Variants in ZNF841 observed in about 807,000 individuals in gnomAD.
ZNF841 encodes the protein zinc finger protein 841.
In ZNF841, 11 loss-of-function variants were observed where a neutral mutation model predicts 13.0. That is an observed-to-expected ratio of 0.85 (90% confidence interval 0.53 to 1.40). The LOEUF is 1.40. Among genes scored for constraint, ZNF841 ranks in the 40% most tolerant of loss-of-function variants. The pLI, the probability that ZNF841 is intolerant of heterozygous loss-of-function variation, is 0.00. For synonymous variants in ZNF841, 369 were observed against 381.6 expected, an observed-to-expected ratio of 0.97 and a Z score of 0.38; for missense variants, 1,068 against 1,139.5, an observed-to-expected ratio of 0.94 and a Z score of 0.90.
downstream of ZNF841, among the ~76,000 whole-genome samples, chr19:52,059,736 G>C (rs2087367291): frequency 6.6e-6 from 1 of 152,104 alleles, no homozygotes; most frequent in Non-Finnish European, 1.5e-5. Context: ...GGAAACCTAA[G>C]GCTGTTTCAC....
chr19:52,068,433 T>G (rs2087647546), intron 6 of ZNF841, among the ~76,000 whole-genome samples: 1 of 151,990 alleles, frequency 6.6e-6, no homozygotes, highest in Non-Finnish European at 1.5e-5. Flanking sequence ...TCCCAGCACT[T>G]TGGGAGGCCG....
chr19:52,086,248 G>A (rs984522217), intron 3 of ZNF841, among the ~76,000 whole-genome samples: 1 of 152,116 alleles, frequency 6.6e-6, no homozygotes, highest in Admixed American at 6.5e-5. Flanking sequence ...TTACTGGTGG[G>A]GCCTGGTGGG....
At chr19:52,062,014 C>T (rs1041998743), downstream of ZNF841, among the ~76,000 whole-genome samples, 1 of 152,142 alleles carries the variant, frequency 6.6e-6, no homozygotes, top group Non-Finnish European at 1.5e-5. Context: ...CTCCCTCCAG[C>T]CTTGCTACCC....
At position 52,066,535 on chromosome 19, in the gene ZNF841, T is replaced by C. The variant is rs2087569664; in HGVS notation, c.1347A>G (p.Ile449Met). 2 of 1,613,864 alleles carry C rather than the reference T, an allele frequency of 1.2e-6. No individual in the cohort carries two copies. The highest frequency in any genetic ancestry group is 1.7e-6 in the Non-Finnish European group (2 of 1,179,842). Residue 449 changes from isoleucine to methionine, a missense_variant, in exon 7 of 7, where the codon ATA becomes ATG. Physicochemically the swap from Ile to Met is conservative, Grantham distance 10 (BLOSUM62 1). Coordinates refer to ENST00000594440, the MANE Select transcript of ZNF841 (RefSeq NM_001136499.2). Reference protein sequence around the residue: ...YQNSQLVRHQIIHTGETPYKC... With the variant: ...YQNSQLVRHQMIHTGETPYKC... ...TGTAAGGTGTCTCTCCAGTATGAATTATCTGGTGCCTTACAAGTTGTGAAT... is the reference window on the plus strand; with the variant it reads ...TGTAAGGTGTCTCTCCAGTATGAATCATCTGGTGCCTTACAAGTTGTGAAT...
chr19:52,084,638 G>T, intron 4 of ZNF841, 149 bp downstream of exon 4: 1 of 821,406 alleles, frequency 1.2e-6, no homozygotes, highest in Non-Finnish European at 2.0e-6. Flanking sequence ...GAATCTAAGT[G>T]CAGAAGAGAG....
rs2088648958 is a variant in ZNF841, at chr19:52,095,751, T to C, written c.-446A>G. On this transcript the variant is annotated 5_prime_UTR_variant, in exon 1 of 7. Transcript: ENST00000594440. Reference sequence around the variant, plus strand: ...GCGACGTGGCCTTTCCCCAGCGCGATCTGCTTCCGGGTGTGCAGGAAACTG... The same window carrying C: ...GCGACGTGGCCTTTCCCCAGCGCGACCTGCTTCCGGGTGTGCAGGAAACTG... 6.6e-6 allele frequency: 1 copy of C among 152,352 alleles called. No individual in the cohort carries two copies. Among genetic ancestry groups the C allele is most frequent in the African/African-American group, 2.4e-5 (1 of 41,432 alleles). The allele number at this position is 152,352 out of a possible 1,614,324, so 9.4% of individuals were successfully genotyped here. A position where few individuals can be genotyped will look rare whatever the true frequency, so the allele number is the denominator to read the frequency against.
In ZNF841 at chr19:52,076,053, C is replaced by T. The variant is rs768622797; in HGVS notation, c.262G>A (p.Val88Met). ...CCATCTGAGCTCTTACCGGTGATCA[C>T]GCCTTTCATGCATTCCCCACAGTTT... ...NPNCGECMKG[V>M]ITGISPKCVI... The change falls in exon 6 of 7, where the codon GTG (valine) becomes ATG (methionine). Residue 88 changes from valine to methionine, a missense_variant. By Grantham distance (21) the Val-to-Met change is conservative. Transcript: ENST00000594440. The T allele has an allele frequency of 8.5e-5, 132 of 1,552,438 alleles. No homozygotes were observed. In the East Asian group the frequency reaches 2.5e-3, roughly 30 times the overall value.
intron 6 of ZNF841, among the ~76,000 whole-genome samples, chr19:52,070,579 C>A (rs1185744769): frequency 2.0e-5 from 3 of 152,202 alleles, no homozygotes; most frequent in Non-Finnish European, 4.4e-5. Flanking sequence ...TCAGCAGGAG[C>A]AGTCATGAGT....
chr19:52,095,097 C>T (rs2088625562), intron 1 of ZNF841, among the ~76,000 whole-genome samples: 1 of 152,150 alleles, frequency 6.6e-6, no homozygotes, highest in African/African-American at 2.4e-5. Flanking sequence ...GCCCACCTCC[C>T]GGAAGAGCAC....
intron 3 of ZNF841, among the ~76,000 whole-genome samples, chr19:52,087,911 T>C (rs534543903): frequency 1.3e-5 from 2 of 151,926 alleles, no homozygotes; most frequent in African/African-American, 4.8e-5. Context: ...CTAAAACAGA[T>C]ATCTTCAATG....
At chr19:52,059,390 T>TATATATACACACACACAC in the ZNF841 span, among the ~76,000 whole-genome samples, 1 of 96,358 alleles carries the variant, frequency 1.0e-5, no homozygotes, top group African/African-American at 4.2e-5. Context: ...TATATATATA[T>TATATATACACACACACAC]ACACACACAC....
At chr19:52,059,390 T>TATATATATATACACACACACACACACAC in the ZNF841 span, among the ~76,000 whole-genome samples, 4 of 96,386 alleles carry the variant, frequency 4.1e-5, no homozygotes, top group African/African-American at 1.2e-4. Flanking sequence ...TATATATATA[T>TATATATATATACACACACACACACACAC]ACACACACAC....
chr19:52,065,237 C>T lies in ZNF841; in HGVS notation c.2645G>A (p.Cys882Tyr). The T allele has an allele frequency of 1.2e-6, 2 of 1,613,848 alleles. No homozygotes were observed. The highest frequency in any genetic ancestry group is 8.5e-7 in the Non-Finnish European group (1 of 1,179,860). ...TGAGCGACTAATGTAAGATTTGCCA[C>T]ACTCATTACATTTATAAGGTTTTTC... Reference protein sequence around the residue: ...SSEKPYKCNECGKSYISRSGL... With the variant: ...SSEKPYKCNEYGKSYISRSGL... The change falls in exon 7 of 7, where the codon TGT (cysteine) becomes TAT (tyrosine). Residue 882 changes from cysteine to tyrosine, a missense_variant. By Grantham distance (194) the Cys-to-Tyr change is radical (BLOSUM62 -2). Transcript: ENST00000594440.
rs538653330 is a variant in ZNF841, at chr19:52,067,482, T to C, written c.400A>G (p.Ile134Val). 1.3e-6 allele frequency: 2 copies of C among 1,565,832 alleles called. No individual in the cohort carries two copies. Among genetic ancestry groups the C allele is most frequent in the Non-Finnish European group, 1.7e-6 (2 of 1,153,566 alleles). The change falls in exon 7 of 7, where the codon ATC (isoleucine) becomes GTC (valine). Residue 134 changes from isoleucine (I) to valine (V), a missense_variant. Transcript: ENST00000594440. ...TCAACTTCCTGTAGATTTTTCCGGA[T>C]TTCCCTGAAGTAAAAATTTTCAGTG... is the stretch of plus-strand genomic sequence containing the variant. Reference protein sequence around the residue: ...YDTENFYFREIRKNLQEVDFQ... With the variant: ...YDTENFYFREVRKNLQEVDFQ...
chr19:52,093,629 A>C (rs923460276), intron 2 of ZNF841, among the ~76,000 whole-genome samples: 1 of 152,228 alleles, frequency 6.6e-6, no homozygotes, highest in African/African-American at 2.4e-5. Flanking sequence ...AGTTCAAAAA[A>C]TGATGGCACT....
rs1368454551 is a variant in ZNF841, at chr19:52,066,763, G to GT, written c.1118dup (p.Tyr373Ter). 6.2e-7 allele frequency: 1 copy of GT among 1,613,430 alleles called. No individual in the cohort carries two copies. Among genetic ancestry groups the GT allele is most frequent in the Admixed American group, 1.7e-5 (1 of 59,894 alleles). ...AGCACTTCCCACATCGATTACATTT[G>GT]TAAGGTTTCTCTCCAGTATGAATTC... The part of the protein sequence containing the change: ...HQRIHTGEKP[Y>*]KCNRCGKCFS... The change falls in exon 7 of 7, where the codon TAC becomes TAAC. Residue 373 changes from tyrosine (Y) to a stop codon, truncating the protein, a stop_gained and frameshift_variant. Coordinates refer to ENST00000594440, the MANE Select transcript of ZNF841 (RefSeq NM_001136499.2). LOFTEE classifies it low-confidence loss of function (END_TRUNC).
chr19:52,065,180 C>G lies in ZNF841; in HGVS notation c.2702G>C (p.Gly901Ala). The G allele has an allele frequency of 3.7e-6, 6 of 1,600,558 alleles. No individual in the cohort carries two copies. In the South Asian group the frequency reaches 5.6e-5, roughly 15 times the overall value. The part of the protein sequence containing the change: ...GLTKHQIKHA[G>A]ENLTTKLNVE... ...ATTGAGTTTAGTTGTAAGGTTCTCT[C>G]CAGCATGTTTTATCTGATGTTTAGT... Residue 901 changes from glycine to alanine, a missense_variant, in exon 7 of 7, where the codon GGA (glycine) becomes GCA (alanine). Physicochemically the swap from Gly to Ala is moderately conservative, Grantham distance 60. Coordinates refer to ENST00000594440, the MANE Select transcript of ZNF841 (RefSeq NM_001136499.2).
At chr19:52,075,959 T>C (rs2087885237) in intron 6 of ZNF841, 85 bp downstream of exon 6, 4 of 1,469,302 alleles carry the variant, frequency 2.7e-6, no homozygotes, top group Admixed American at 2.5e-5. Context: ...ATCAAATTTG[T>C]TTCCCCACAG....
chr19:52,064,443 G>C (rs538199398), downstream of ZNF841: 19 of 145,748 alleles, frequency 1.3e-4, 1 homozygote, highest in Middle Eastern at 8.1e-3. Flanking sequence ...TGCATGGCTA[G>C]ACAGAAATAC....
Sources: allele counts gnomAD v4.1 joint callset (sites outside exome capture counted in the v4.1 genomes callset), GRCh38; gene constraint gnomAD v4.1.1; transcripts MANE v1.5; gene names NCBI Gene and HGNC (gene_info 2026-07-23, HGNC 2026-07-21).